Variants in SGCD observed in about 807,000 individuals in gnomAD.
SGCD encodes the protein sarcoglycan delta.
Under a neutral mutation model 36.6 loss-of-function variants are expected in SGCD, and 18 were observed. The ratio of observed to expected loss-of-function variants is 0.49; its 90% CI spans 0.34 to 0.73. SGCD has a LOEUF of 0.73. Ranked by LOEUF, SGCD falls within the 30% of genes least tolerant of loss-of-function variation. The pLI is 0.01. For synonymous variants in SGCD, 133 were observed against 130.6 expected, an observed-to-expected ratio of 1.02 and a Z score of -0.12; for missense variants, 387 against 346.7, an observed-to-expected ratio of 1.12 and a Z score of -0.92.
chr5:156,641,198 C>T (rs990460824), intron 6 of SGCD, among the ~76,000 whole-genome samples: 1 of 152,160 alleles, frequency 6.6e-6, no homozygotes, highest in African/African-American at 2.4e-5. Flanking sequence ...GGTTAGTTGT[C>T]CCATAACTCA....
chr5:156,588,809 T>C (rs1264902919), intron 4 of SGCD, among the ~76,000 whole-genome samples: 1 of 152,246 alleles, frequency 6.6e-6, no homozygotes, highest in Non-Finnish European at 1.5e-5. Context: ...ACCTTCCTGC[T>C]CTTCTATAAG....
chr5:155,854,457 T>C, the SGCD span, among the ~76,000 whole-genome samples: 30 of 152,302 alleles, frequency 2.0e-4, no homozygotes, highest in East Asian at 5.0e-3. Context: ...AGAAGCTTTT[T>C]TTCGTGGATG....
intron 6 of SGCD, among the ~76,000 whole-genome samples, chr5:156,605,857 G>A (rs1005478952): frequency 6.6e-6 from 1 of 152,182 alleles, no homozygotes; most frequent in African/African-American, 2.4e-5. Context: ...CTTTTGAGAA[G>A]TGTCTGTTCA....
At chr5:156,223,512 T>C (rs1764771665) in intron 3 of SGCD, among the ~76,000 whole-genome samples, 1 of 152,110 alleles carries the variant, frequency 6.6e-6, no homozygotes. Flanking sequence ...TTTCTATTGC[T>C]TGTGCTTTGG....
the SGCD span, among the ~76,000 whole-genome samples, chr5:155,860,025 C>T: frequency 3.3e-5 from 5 of 152,208 alleles, no homozygotes; most frequent in East Asian, 9.6e-4. Flanking sequence ...AGAGGCACAG[C>T]CCCTCTCCTG....
upstream of SGCD, among the ~76,000 whole-genome samples, chr5:156,323,251 C>G (rs1767719616): frequency 6.6e-6 from 1 of 152,112 alleles, no homozygotes; most frequent in Non-Finnish European, 1.5e-5. Context: ...AGTTGTTCCT[C>G]CTCTCTTTGC....
chr5:156,281,946 G>C (rs79404581), intron 3 of SGCD, among the ~76,000 whole-genome samples: 1 of 151,866 alleles, frequency 6.6e-6, no homozygotes, highest in African/African-American at 2.4e-5. Flanking sequence ...TCTGTTTTCC[G>C]CGTAAACCCA....
At chr5:156,447,343 A>T (rs1364047829) in intron 3 of SGCD, among the ~76,000 whole-genome samples, 1 of 152,146 alleles carries the variant, frequency 6.6e-6, no homozygotes, top group East Asian at 1.9e-4. Flanking sequence ...ATACAATATA[A>T]CACACAAATG....
At chr5:156,555,861 G>T (rs910428478) in intron 4 of SGCD, among the ~76,000 whole-genome samples, 2 of 151,548 alleles carry the variant, frequency 1.3e-5, no homozygotes, top group African/African-American at 4.8e-5. Flanking sequence ...ATTTCTTTTA[G>T]CAGTGTTTTG....
chr5:156,745,591 C>T (rs1029857099), intron 7 of SGCD, among the ~76,000 whole-genome samples: 3 of 151,994 alleles, frequency 2.0e-5, no homozygotes, highest in African/African-American at 4.8e-5. Context: ...AGAGAGCAGG[C>T]AGGAAAACAA....
intron 1 of SGCD, among the ~76,000 whole-genome samples, chr5:156,039,212 T>C (rs1350424540): frequency 6.8e-6 from 1 of 147,354 alleles, no homozygotes; most frequent in Non-Finnish European, 1.5e-5. Flanking sequence ...TATGCCTCTC[T>C]AGTGAATCAG....
At chr5:156,640,298 A>G (rs2113561421) in intron 6 of SGCD, among the ~76,000 whole-genome samples, 1 of 152,264 alleles carries the variant, frequency 6.6e-6, no homozygotes, top group South Asian at 2.1e-4. Context: ...ATATTGCTAT[A>G]CATCTCTAGA....
chr5:155,748,776 A>C, the SGCD span, among the ~76,000 whole-genome samples: 1 of 152,218 alleles, frequency 6.6e-6, no homozygotes, highest in Non-Finnish European at 1.5e-5. Context: ...TCCATTGAGA[A>C]AGATGTGCTA....
chr5:155,959,683 T>A, intron 1 of SGCD, among the ~76,000 whole-genome samples: 2 of 152,164 alleles, frequency 1.3e-5, no homozygotes, highest in Non-Finnish European at 2.9e-5. Context: ...TTTTTAAAGA[T>A]ATCACTTGCA....
At chr5:156,601,921 T>G (rs1011194990) in intron 6 of SGCD, among the ~76,000 whole-genome samples, 1 of 152,220 alleles carries the variant, frequency 6.6e-6, no homozygotes, top group African/African-American at 2.4e-5. Flanking sequence ...GACCTTGTGA[T>G]CTGCCTGCCT....
intron 3 of SGCD, among the ~76,000 whole-genome samples, chr5:156,199,270 C>T (rs1457183400): frequency 1.3e-5 from 2 of 152,184 alleles, no homozygotes; most frequent in South Asian, 2.1e-4. Context: ...TACATAACAG[C>T]AGCAAGTTGA....
intron 7 of SGCD, among the ~76,000 whole-genome samples, chr5:156,721,362 C>T (rs1003458781): frequency 6.6e-6 from 1 of 152,080 alleles, no homozygotes; most frequent in Non-Finnish European, 1.5e-5. Flanking sequence ...AAAGAACTGC[C>T]AGTGAGATAA....
intron 1 of SGCD, among the ~76,000 whole-genome samples, chr5:156,096,458 T>G (rs1307929512): frequency 6.6e-6 from 1 of 152,166 alleles, no homozygotes; most frequent in African/African-American, 2.4e-5. Flanking sequence ...CTTGGTATGA[T>G]GGGTATGCAG....
At position 156,052,835 on chromosome 5, in the gene SGCD, G is replaced by A. The variant is rs1055179507; in HGVS notation, c.-281-65043G>A. Among the ~76,000 whole-genome samples, 6 of 146,562 alleles carry A rather than the reference G, an allele frequency of 4.1e-5. No homozygotes were observed. In the South Asian group the frequency reaches 6.4e-4, roughly 16 times the overall value. ...TTAATGTCACATTAACTTGGGCACA[G>A]GGATATTTGCCAGACAAAGTCCAGA... On this transcript the variant is annotated intron_variant, in intron 1 of 9. Coordinates refer to the SGCD transcript ENST00000517913.
Sources: allele counts gnomAD v4.1 joint callset (sites outside exome capture counted in the v4.1 genomes callset), GRCh38; gene constraint gnomAD v4.1.1; transcripts MANE v1.5; gene names NCBI Gene and HGNC (gene_info 2026-07-23, HGNC 2026-07-21).